The following RGS8 variants were observed in gnomAD, a reference collection of about 807,000 sequenced individuals.
RGS8 encodes regulator of G-protein signaling 8.
A neutral mutation model predicts 21.7 loss-of-function variants in RGS8; 8 were observed. That is an observed-to-expected ratio of 0.37 (90% confidence interval 0.22 to 0.66). RGS8 has a LOEUF of 0.66. Ranked by LOEUF, RGS8 falls within the 30% of genes least tolerant of loss-of-function variation. The probability of loss-of-function intolerance (pLI) is 0.59; values close to 1 mark genes in which losing one functional copy is unlikely to be tolerated. For missense variants in RGS8, 157 were observed against 217.9 expected, an observed-to-expected ratio of 0.72 and a Z score of 1.76; for synonymous variants, 80 against 83.6, an observed-to-expected ratio of 0.96 and a Z score of 0.24.
chr1:182,661,846 A>T (rs891970069), intron 5 of RGS8, among the ~76,000 whole-genome samples: 130 of 147,916 alleles, frequency 8.8e-4, no homozygotes, highest in African/African-American at 3.2e-3. Flanking sequence ...ACACACACAC[A>T]CTCTTGGGGC....
chr1:182,664,268 A>T (rs1663741098), intron 5 of RGS8, among the ~76,000 whole-genome samples: 1 of 149,896 alleles, frequency 6.7e-6, no homozygotes, highest in Admixed American at 6.6e-5. Flanking sequence ...TGCATTTGAT[A>T]AATAAAAGTA....
rs987522802 is a variant in RGS8, at chr1:182,657,484, C to T, written c.193+8485G>A. Among the ~76,000 whole-genome samples the T allele has an allele frequency of 1.1e-4, 16 of 152,124 alleles. 1 individual carries two copies. The highest frequency in any genetic ancestry group is 9.2e-4 in the Admixed American group (14 of 15,270). On this transcript the variant is annotated intron_variant, in intron 5 of 6. Coordinates refer to ENST00000483095, the Ensembl canonical transcript of RGS8. ...TTTGCATTAGCTGTGTTTCCTCTGCCGGGGCCCCATGCACCCCAGACCCTG... is the reference window on the plus strand; with the variant it reads ...TTTGCATTAGCTGTGTTTCCTCTGCTGGGGCCCCATGCACCCCAGACCCTG...
the RGS8 span, among the ~76,000 whole-genome samples, chr1:182,737,573 T>C: frequency 1.3e-5 from 2 of 152,202 alleles, no homozygotes; most frequent in African/African-American, 4.8e-5. Flanking sequence ...GCCTGCTGCA[T>C]GTAAGACGTG....
At chr1:182,726,176 G>A in the RGS8 span, among the ~76,000 whole-genome samples, 35 of 147,532 alleles carry the variant, frequency 2.4e-4, no homozygotes, top group African/African-American at 8.7e-4. Flanking sequence ...CCTATGTGAT[G>A]CTAATCTCAA....
chr1:182,673,899 G>A (rs1229737580), upstream of RGS8, among the ~76,000 whole-genome samples: 1 of 152,178 alleles, frequency 6.6e-6, no homozygotes, highest in Non-Finnish European at 1.5e-5. Context: ...AATGTTTAAT[G>A]AGCAGTTAGT....
At chr1:182,698,662 T>C in the RGS8 span, among the ~76,000 whole-genome samples, 1 of 152,296 alleles carries the variant, frequency 6.6e-6, no homozygotes, top group African/African-American at 2.4e-5. Flanking sequence ...AGATGTTTGC[T>C]TTTTTGTGGG....
chr1:182,705,547 A>ATATAGAGAGTTGCCAGTTCCTTCCAATT, the RGS8 span, among the ~76,000 whole-genome samples: 11 of 151,184 alleles, frequency 7.3e-5, no homozygotes, highest in African/African-American at 1.7e-4. Flanking sequence ...TTTTATAGCT[A>ATATAGAGAGTTGCCAGTTCCTTCCAATT]CTTTATCTAG....
chr1:182,739,212 C>T, the RGS8 span, among the ~76,000 whole-genome samples: 2 of 152,194 alleles, frequency 1.3e-5, no homozygotes, highest in Non-Finnish European at 2.9e-5. Context: ...TTGGCTTCAC[C>T]TTCTGCTCTT....
chr1:182,749,316 C>A, the RGS8 span, among the ~76,000 whole-genome samples: 1 of 152,144 alleles, frequency 6.6e-6, no homozygotes, highest in Non-Finnish European at 1.5e-5. Context: ...ATGTGGATAT[C>A]CAGTCTTCCC....
chr1:182,741,755 G>A, the RGS8 span, among the ~76,000 whole-genome samples: 5 of 105,250 alleles, frequency 4.8e-5, no homozygotes, highest in African/African-American at 9.2e-5. Flanking sequence ...GCGGGGGGCT[G>A]ACCCCCCCAC....
At chr1:182,690,838 C>T in the RGS8 span, among the ~76,000 whole-genome samples, 1 of 152,180 alleles carries the variant, frequency 6.6e-6, no homozygotes, top group South Asian at 2.1e-4. Context: ...CTAGGTTTAG[C>T]TATGTAACTT....
the RGS8 span, chr1:182,714,308 A>G: frequency 1.3e-5 from 2 of 152,222 alleles, no homozygotes; most frequent in Admixed American, 1.3e-4. Flanking sequence ...CTTTCTTTCC[A>G]TTAGGCTGTA....
the RGS8 span, among the ~76,000 whole-genome samples, chr1:182,747,996 T>A: frequency 1.2e-4 from 19 of 152,392 alleles, no homozygotes; most frequent in Admixed American, 9.8e-4. Flanking sequence ...TTGCTTTTTT[T>A]AAATTGACAG....
the RGS8 span, among the ~76,000 whole-genome samples, chr1:182,745,814 T>G: frequency 2.6e-5 from 4 of 152,344 alleles, no homozygotes; most frequent in Admixed American, 6.5e-5. Context: ...GCTTGAAATA[T>G]CCCAGTGATT....
intron 5 of RGS8, among the ~76,000 whole-genome samples, chr1:182,651,102 A>G (rs1662992531): frequency 6.6e-6 from 1 of 152,222 alleles, no homozygotes; most frequent in Non-Finnish European, 1.5e-5. Flanking sequence ...AGGGAATAGA[A>G]ACCCGAGATA....
chr1:182,711,311 C>G, the RGS8 span, among the ~76,000 whole-genome samples: 10 of 152,328 alleles, frequency 6.6e-5, no homozygotes, highest in South Asian at 2.1e-4. Flanking sequence ...AAGTGCCAGA[C>G]AGAGCCCCCT....
the RGS8 span, among the ~76,000 whole-genome samples, chr1:182,743,448 G>A: frequency 6.6e-6 from 1 of 152,112 alleles, no homozygotes; most frequent in Admixed American, 6.5e-5. Flanking sequence ...ACAAGATAGA[G>A]GTTGTGAAAA....
the RGS8 span, among the ~76,000 whole-genome samples, chr1:182,716,129 T>TC: frequency 6.6e-6 from 1 of 151,364 alleles, no homozygotes; most frequent in Non-Finnish European, 1.5e-5. Flanking sequence ...TTTTTTGGTT[T>TC]TTTTTTTTTT....
At chr1:182,724,246 A>ATC in the RGS8 span, among the ~76,000 whole-genome samples, 709 of 106,866 alleles carry the variant, frequency 6.6e-3, 7 homozygotes, top group Non-Finnish European at 7.4e-3. Context: ...ATATATATAT[A>ATC]TCCTATTATT....
Sources: allele counts gnomAD v4.1 joint callset (sites outside exome capture counted in the v4.1 genomes callset), GRCh38; gene constraint gnomAD v4.1.1; transcripts MANE v1.5; gene names NCBI Gene and HGNC (gene_info 2026-07-23, HGNC 2026-07-21).